NUP93: variants seen among roughly 807,000 people sequenced by gnomAD.
NUP93 encodes nuclear pore complex protein Nup93.
Under a neutral mutation model 107.8 loss-of-function variants are expected in NUP93, and 55 were observed. That is an observed-to-expected ratio of 0.51 (90% confidence interval 0.41 to 0.64). The LOEUF is 0.64. Ranked by LOEUF, NUP93 falls within the 30% of genes least tolerant of loss-of-function variation. The pLI is 0.00. For missense variants in NUP93, 937 were observed against 1,044.7 expected, an observed-to-expected ratio of 0.90 and a Z score of 1.42; for synonymous variants, 390 against 397.5, an observed-to-expected ratio of 0.98 and a Z score of 0.22.
At position 56,848,065 on chromosome 16, in the gene NUP93, A is replaced by G. The variant is rs962597803; in HGVS notation, c.*3456A>G. 2.6e-5 allele frequency: 4 copies of G among 152,150 alleles called. No homozygotes were observed. The highest frequency in any genetic ancestry group is 6.6e-5 in the Admixed American group (1 of 15,256). The allele number at this position is 152,150 out of a possible 1,614,324, so 9.4% of individuals were successfully genotyped here. A position where few individuals can be genotyped will look rare whatever the true frequency, so the allele number is the denominator to read the frequency against. ...TTTGCAGTTATATGCAGCTCTGCCA[A>G]CGCCTTCCTGCTTTAGACTGGATCT... On this transcript the variant is annotated 3_prime_UTR_variant, in exon 22 of 22. Transcript: ENST00000308159.
chr16:56,800,212 A>G (rs1962990890), intron 4 of NUP93, among the ~76,000 whole-genome samples: 1 of 152,224 alleles, frequency 6.6e-6, no homozygotes, highest in African/African-American at 2.4e-5. Flanking sequence ...CCAAAATTTC[A>G]TTAATTATAT....
chr16:56,744,894 A>G (rs1388293483), intron 1 of NUP93, among the ~76,000 whole-genome samples: 2 of 152,168 alleles, frequency 1.3e-5, no homozygotes, highest in East Asian at 3.9e-4. Flanking sequence ...GTGGGTGCCC[A>G]TTTGGCAAAG....
chr16:56,839,182 A>G, intron 19 of NUP93, 113 bp downstream of exon 19: 1 of 546,052 alleles, frequency 1.8e-6, no homozygotes, highest in Non-Finnish European at 3.1e-6. Context: ...TGTTTGTTGT[A>G]TAAAGAAAGA....
chr16:56,783,084 A>G (rs1300775486), intron 3 of NUP93, among the ~76,000 whole-genome samples: 1 of 152,152 alleles, frequency 6.6e-6, no homozygotes, highest in Non-Finnish European at 1.5e-5. Flanking sequence ...CAAAGATACA[A>G]TACATTTAAT....
chr16:56,837,560 T>C (rs1963936940), intron 17 of NUP93, 48 bp from the exon 18 acceptor site: 2 of 1,122,426 alleles, frequency 1.8e-6, no homozygotes, highest in South Asian at 3.5e-5. Flanking sequence ...TTGTTCCTTT[T>C]ATTGATTACT....
intron 2 of NUP93, among the ~76,000 whole-genome samples, chr16:56,748,852 G>C (rs1287491508): frequency 2.6e-5 from 4 of 152,200 alleles, no homozygotes; most frequent in Non-Finnish European, 5.9e-5. Context: ...GCATTTGGAA[G>C]AAATTGATGA....
chr16:56,771,165 A>G (rs528990201), intron 3 of NUP93, among the ~76,000 whole-genome samples: 8 of 152,276 alleles, frequency 5.3e-5, no homozygotes, highest in Admixed American at 5.2e-4. Flanking sequence ...TAGGCCTGGA[A>G]CTTTGTATGA....
chr16:56,737,622 C>CTTTTTTTTTTTT (rs11362578), intron 1 of NUP93, among the ~76,000 whole-genome samples: 1 of 147,130 alleles, frequency 6.8e-6, no homozygotes. Context: ...TCATACGGTG[C>CTTTTTTTTTTTT]TTTTTTTTTT....
intron 5 of NUP93, among the ~76,000 whole-genome samples, chr16:56,817,316 A>G (rs1451858477): frequency 6.6e-6 from 1 of 152,064 alleles, no homozygotes; most frequent in Non-Finnish European, 1.5e-5. Flanking sequence ...GGGGCTTCAG[A>G]CTGCCTTTCT....
intron 1 of NUP93, among the ~76,000 whole-genome samples, chr16:56,740,128 C>T (rs1289642875): frequency 2.4e-5 from 2 of 84,488 alleles, no homozygotes; most frequent in Admixed American, 1.2e-4. Context: ...GGGGGGCTGA[C>T]CCCCCCACCT....
At chr16:56,811,032 C>T (rs1400085891) in intron 5 of NUP93, among the ~76,000 whole-genome samples, 3 of 152,082 alleles carry the variant, frequency 2.0e-5, no homozygotes, top group African/African-American at 7.2e-5. Context: ...TATTGGTGAA[C>T]CTTTTAGTTT....
At position 56,829,208 on chromosome 16, in the gene NUP93, G is replaced by A. The variant is rs545004449; in HGVS notation, c.927+99G>A. On this transcript the variant is annotated intron_variant, in intron 9 of 21. Transcript: ENST00000308159. Reference sequence around the variant, plus strand: ...AATGAGGGTATCTGTGGAGACTACTGTGTGGAGATGGGACCAGAGAGGGGT... The same window carrying A: ...AATGAGGGTATCTGTGGAGACTACTATGTGGAGATGGGACCAGAGAGGGGT... 4,326 of 1,394,874 alleles carry A rather than the reference G, an allele frequency of 3.1e-3. 11 individuals are homozygous for A. The highest frequency in any genetic ancestry group is 4.0e-3 in the Non-Finnish European group (4,061 of 1,027,548). The allele number at this position is 1,394,874 out of a possible 1,614,324, so 86.4% of individuals were successfully genotyped here. A position where few individuals can be genotyped will look rare whatever the true frequency, so the allele number is the denominator to read the frequency against.
chr16:56,817,722 C>T (rs1007654243), intron 5 of NUP93, among the ~76,000 whole-genome samples: 3 of 151,956 alleles, frequency 2.0e-5, no homozygotes, highest in Non-Finnish European at 4.4e-5. Context: ...AAGATTATAC[C>T]GTATTTTTAT....
At chr16:56,827,543 C>G (rs1236274618) in intron 8 of NUP93, among the ~76,000 whole-genome samples, 4 of 152,192 alleles carry the variant, frequency 2.6e-5, no homozygotes, top group African/African-American at 9.7e-5. Context: ...TGAATCATAT[C>G]TAGTGTTACC....
At chr16:56,745,385 C>T (rs552753055) in intron 1 of NUP93, among the ~76,000 whole-genome samples, 53 of 152,226 alleles carry the variant, frequency 3.5e-4, no homozygotes, top group African/African-American at 1.3e-3. Context: ...CGGTTTCATT[C>T]TGTACAAGAG....
chr16:56,812,272 A>T (rs1596828516), intron 5 of NUP93, among the ~76,000 whole-genome samples: 1 of 152,128 alleles, frequency 6.6e-6, no homozygotes, highest in African/African-American at 2.4e-5. Context: ...TTTCCCCCAC[A>T]CCTTCCAATA....
rs138726716 is a variant in NUP93 at position 56,808,937 on chromosome 16, A to C, written c.489+3305A>C. ...TCTCTTCTCCCTTTGTCTTCCCCATAGGTAATCACTATTAGTACTTTCTTG... is the reference window on the plus strand; with the variant it reads ...TCTCTTCTCCCTTTGTCTTCCCCATCGGTAATCACTATTAGTACTTTCTTG... On this transcript the variant is annotated intron_variant, in intron 5 of 21. Coordinates refer to ENST00000308159, the MANE Select transcript of NUP93 (RefSeq NM_014669.5). 2.0e-4 allele frequency among the ~76,000 whole-genome samples: 31 copies of C among 151,596 alleles called. No individual in the cohort carries two copies. The East Asian group carries it at 5.2e-3, about 26-fold the overall frequency.
At chr16:56,837,189 A>C (rs1176365291) in intron 17 of NUP93, among the ~76,000 whole-genome samples, 1 of 152,220 alleles carries the variant, frequency 6.6e-6, no homozygotes, top group Non-Finnish European at 1.5e-5. Flanking sequence ...GATGACTAAG[A>C]ACATATGATA....
At chr16:56,747,004 T>C (rs1961830827) in intron 1 of NUP93, among the ~76,000 whole-genome samples, 1 of 152,126 alleles carries the variant, frequency 6.6e-6, no homozygotes, top group Admixed American at 6.5e-5. Flanking sequence ...GTAATTTTTT[T>C]TTTTTTTTTC....
Sources: allele counts gnomAD v4.1 joint callset (sites outside exome capture counted in the v4.1 genomes callset), GRCh38; gene constraint gnomAD v4.1.1; transcripts MANE v1.5; gene names NCBI Gene and HGNC (gene_info 2026-07-23, HGNC 2026-07-21).